Variants in AOPEP observed in about 807,000 individuals in gnomAD.
The protein encoded by AOPEP is aminopeptidase O.
Under a neutral mutation model 98.1 loss-of-function variants are expected in AOPEP, and 77 were observed. The ratio of observed to expected loss-of-function variants is 0.78; its 90% confidence interval spans 0.65 to 0.95. The LOEUF (loss-of-function observed/expected upper bound fraction) is 0.95. AOPEP is among the 40% of genes least tolerant of loss of function. The probability of loss-of-function intolerance (pLI) is 0.00; values close to 1 mark genes in which losing one functional copy is unlikely to be tolerated. For synonymous variants in AOPEP, 346 were observed against 365.3 expected (o/e 0.95, Z 0.60); for missense variants, 1,024 against 1,024.7 (o/e 1.00, Z 0.01).
chr9:95,116,132 C>CAATA, the AOPEP span, among the ~76,000 whole-genome samples: 2 of 152,234 alleles, frequency 1.3e-5, no homozygotes, highest in Non-Finnish European at 2.9e-5. Context: ...GCCCATGCAC[C>CAATA]ACCTCACCGT....
At chr9:95,050,760 A>G (rs2066271164) in intron 13 of AOPEP, among the ~76,000 whole-genome samples, 1 of 152,222 alleles carries the variant, frequency 6.6e-6, no homozygotes, top group African/African-American at 2.4e-5. Context: ...ATTTGGTAGA[A>G]AATAAAGAAT....
the AOPEP span, among the ~76,000 whole-genome samples, chr9:95,111,951 G>A: frequency 5.3e-5 from 8 of 152,222 alleles, no homozygotes; most frequent in African/African-American, 1.9e-4. Context: ...CAACAGGAAT[G>A]TGGCAGGATG....
At chr9:94,969,658 C>T (rs189214269) in intron 10 of AOPEP, among the ~76,000 whole-genome samples, 2,306 of 152,286 alleles carry the variant, frequency 0.015, 18 homozygotes, top group Non-Finnish European at 0.023. Flanking sequence ...CTGCCCGCCT[C>T]GGCCTCCCAA....
the AOPEP span, among the ~76,000 whole-genome samples, chr9:95,093,351 A>G: frequency 0.017 from 2,528 of 152,228 alleles, 83 homozygotes; most frequent in African/African-American, 0.058. Flanking sequence ...ATTCTGTCCA[A>G]TGGTAGAACA....
intron 13 of AOPEP, among the ~76,000 whole-genome samples, chr9:95,045,899 C>T (rs1188410413): frequency 6.6e-6 from 1 of 152,104 alleles, no homozygotes; most frequent in Admixed American, 6.5e-5. Context: ...GAGTGGTGTT[C>T]GGGGATTTGC....
intron 5 of AOPEP, among the ~76,000 whole-genome samples, chr9:94,890,542 CTTCT>C (rs767690568): frequency 6.6e-6 from 1 of 152,118 alleles, no homozygotes; most frequent in East Asian, 1.9e-4. Context: ...TATTTCCTTC[CTTCT>C]GTTTGCTGTG....
the AOPEP span, among the ~76,000 whole-genome samples, chr9:95,112,826 T>A: frequency 1.3e-5 from 2 of 152,224 alleles, no homozygotes; most frequent in Non-Finnish European, 2.9e-5. Flanking sequence ...AGGTCTGGAT[T>A]GAAGTGGGAG....
intron 3 of AOPEP, among the ~76,000 whole-genome samples, chr9:94,791,767 G>A (rs1845776915): frequency 6.6e-6 from 1 of 151,988 alleles, no homozygotes; most frequent in Admixed American, 6.6e-5. Context: ...CCCCTACCCT[G>A]CCTCATGATG....
the AOPEP span, chr9:95,114,547 T>TGTCA: frequency 1.7e-4 from 205 of 1,231,104 alleles, no homozygotes; most frequent in Non-Finnish European, 2.3e-4. Flanking sequence ...TGCCTTCCTC[T>TGTCA]GTCAGCCCTG....
chr9:95,130,844 G>C, the AOPEP span, among the ~76,000 whole-genome samples: 1 of 152,136 alleles, frequency 6.6e-6, no homozygotes, highest in African/African-American at 2.4e-5. Flanking sequence ...AAAATGATTT[G>C]GCTTGAGAAA....
rs2060137767 is a variant in AOPEP, at chr9:94,980,838, A to G, written c.1977+1411A>G. The stretch of plus-strand genomic sequence containing the variant: ...GACTACTCACTGAGGACAAACATCC[A>G]GGAAAAACAAGTTAAGGTTTGTCTA... On this transcript the variant is annotated intron_variant, in intron 11 of 16. Transcript: ENST00000375315. This position sits in a 1 kb window ranked among gnomAD's most constrained non-coding sequence, Gnocchi z 4.3. 6.6e-6 allele frequency among the ~76,000 whole-genome samples: 1 copy of G among 152,256 alleles called. No individual in the cohort carries two copies.
intron 7 of AOPEP, among the ~76,000 whole-genome samples, chr9:94,943,306 A>C (rs1361628149): frequency 3.9e-5 from 6 of 152,252 alleles, no homozygotes; most frequent in African/African-American, 1.4e-4. Context: ...AAAAATGGTC[A>C]GTCTGGACCG....
At chr9:94,927,292 A>G (rs1588925999) in intron 6 of AOPEP, among the ~76,000 whole-genome samples, 1 of 152,166 alleles carries the variant, frequency 6.6e-6, no homozygotes, top group South Asian at 2.1e-4. Flanking sequence ...TTATCTCCAA[A>G]TACAGTCACA....
chr9:94,799,861 C>CAAAA (rs34659070), intron 4 of AOPEP, among the ~76,000 whole-genome samples: 1 of 119,948 alleles, frequency 8.3e-6, no homozygotes. Flanking sequence ...GATTCCATCT[C>CAAAA]AAAAAAAAAA....
intron 5 of AOPEP, among the ~76,000 whole-genome samples, chr9:94,826,506 C>A (rs927559497): frequency 3.3e-5 from 5 of 152,140 alleles, no homozygotes; most frequent in African/African-American, 1.2e-4. Flanking sequence ...CTCTTCAGCT[C>A]GGTGGCATTT....
chr9:94,908,474 A>C (rs538730952), intron 5 of AOPEP, among the ~76,000 whole-genome samples: 4 of 152,224 alleles, frequency 2.6e-5, no homozygotes, highest in Non-Finnish European at 5.9e-5. Flanking sequence ...CTCTAAGAGT[A>C]TAAGAAGTGG....
At chr9:95,117,952 C>A in the AOPEP span, among the ~76,000 whole-genome samples, 2 of 151,856 alleles carry the variant, frequency 1.3e-5, no homozygotes, top group African/African-American at 4.8e-5. Flanking sequence ...GAACTCCCGA[C>A]CTCAGGTGAT....
Position 94,760,516 on chromosome 9 carries a change from A to G in AOPEP, c.733A>G (p.Arg245Gly), listed in dbSNP as rs1287753575. Residue 245 changes from arginine to glycine, a missense_variant, in exon 2 of 17, where the codon AGG becomes GGG. This residue lies in a region of AOPEP where 440 missense variants were observed against 433.8 expected (regional missense o/e 1.01). Coordinates refer to ENST00000375315, the MANE Select transcript of AOPEP (RefSeq NM_001193329.3). ...QTATDFPHAIRIWYKTKPEGR... is the reference protein window; with the variant it reads ...QTATDFPHAIGIWYKTKPEGR... ...AGCTACTGACTTTCCTCATGCTATC[A>G]GGATATGGTACAAAACTAAACCTGA... 6.2e-7 allele frequency: 1 copy of G among 1,600,972 alleles called. No homozygotes were observed. Among genetic ancestry groups the G allele is most frequent in the African/African-American group, 1.3e-5 (1 of 74,268 alleles).
At chr9:95,135,570 T>C in the AOPEP span, 22 of 1,406,298 alleles carry the variant, frequency 1.6e-5, no homozygotes, top group Middle Eastern at 3.6e-4. Flanking sequence ...TTAAAAAAAG[T>C]TCAAAATGCA....
Sources: allele counts gnomAD v4.1 joint callset (sites outside exome capture counted in the v4.1 genomes callset), GRCh38; gene constraint gnomAD v4.1.1; regional missense constraint gnomAD v4.1.1; non-coding constraint Gnocchi (gnomAD v3.1); transcripts MANE v1.5; gene names NCBI Gene and HGNC (gene_info 2026-07-23, HGNC 2026-07-21).